The following MAGI2 variants were observed in gnomAD, a reference collection of about 807,000 sequenced individuals.
The protein encoded by MAGI2 is membrane-associated guanylate kinase, WW and PDZ domain-containing protein 2.
A neutral mutation model predicts 133.3 loss-of-function variants in MAGI2; 35 were observed. The ratio of observed to expected loss-of-function variants is 0.26; its 90% CI spans 0.20 to 0.35. MAGI2 has a LOEUF of 0.35. MAGI2 is among the 10% of genes least tolerant of loss of function. MAGI2 has a pLI of 1.00. For missense variants in MAGI2, 1,636 were observed against 1,863.4 expected (o/e 0.88, Z 2.25); for synonymous variants, 729 against 710.6 (o/e 1.03, Z -0.41).
Position 78,636,673 on chromosome 7 carries a change from C to T in MAGI2, c.419-9434G>A, listed in dbSNP as rs970036365. Among the ~76,000 whole-genome samples the T allele has an allele frequency of 6.6e-5, 10 of 152,120 alleles. No individual in the cohort carries two copies. In the East Asian group the frequency reaches 1.7e-3, roughly 26 times the overall value. On this transcript the variant is annotated intron_variant, in intron 2 of 21. Coordinates refer to ENST00000354212, the MANE Select transcript of MAGI2 (RefSeq NM_012301.4). ...ATTAGCTGGGCGTGGTGGCGGGCGC[C>T]TGTAGTCCCAGCTACTCGGGACGCT...
intron 6 of MAGI2, among the ~76,000 whole-genome samples, chr7:78,374,939 A>G (rs975601816): frequency 3.9e-5 from 6 of 151,968 alleles, no homozygotes; most frequent in Non-Finnish European, 7.4e-5. Context: ...TCCTGGGTTC[A>G]AGCAATTCTT....
At chr7:78,658,473 G>A (rs949992942) in intron 2 of MAGI2, among the ~76,000 whole-genome samples, 1 of 152,048 alleles carries the variant, frequency 6.6e-6, no homozygotes, top group African/African-American at 2.4e-5. Flanking sequence ...TTGATAAACT[G>A]GGCTTCATAT....
intron 1 of MAGI2, among the ~76,000 whole-genome samples, chr7:79,175,334 T>C (rs1826000142): frequency 6.6e-6 from 1 of 151,988 alleles, no homozygotes; most frequent in South Asian, 2.1e-4. Flanking sequence ...TGAGTACATA[T>C]TTCTTTTATA....
intron 20 of MAGI2, among the ~76,000 whole-genome samples, chr7:78,080,210 T>C (rs1815798356): frequency 6.6e-6 from 1 of 152,210 alleles, no homozygotes; most frequent in Non-Finnish European, 1.5e-5. Flanking sequence ...AGCAAGGAAA[T>C]GACATCTCTA....
At chr7:78,278,961 C>T (rs1352574370) in intron 9 of MAGI2, among the ~76,000 whole-genome samples, 1 of 152,144 alleles carries the variant, frequency 6.6e-6, no homozygotes, top group Admixed American at 6.6e-5. Flanking sequence ...TACAATGTAT[C>T]TATTCAAACT....
intron 9 of MAGI2, among the ~76,000 whole-genome samples, chr7:78,257,924 C>T (rs888148168): frequency 9.2e-5 from 14 of 152,108 alleles, no homozygotes; most frequent in Non-Finnish European, 1.9e-4. Flanking sequence ...AGCTTGCAAA[C>T]GTTAAAAATG....
chr7:78,531,732 C>T (rs1370854677), intron 3 of MAGI2, among the ~76,000 whole-genome samples: 3 of 152,166 alleles, frequency 2.0e-5, no homozygotes, highest in East Asian at 3.9e-4. Context: ...TCTCACACAA[C>T]ATTTATAGCT....
intron 10 of MAGI2, among the ~76,000 whole-genome samples, chr7:78,212,959 G>A (rs1787914868): frequency 6.6e-6 from 1 of 152,154 alleles, no homozygotes; most frequent in Admixed American, 6.5e-5. Context: ...TACAGCGTGA[G>A]CCACCACACC....
chr7:78,682,891 G>C (rs1324011707), intron 2 of MAGI2, among the ~76,000 whole-genome samples: 1 of 152,114 alleles, frequency 6.6e-6, no homozygotes, highest in Non-Finnish European at 1.5e-5. Flanking sequence ...AAACAATCCA[G>C]ATTTTCAAAA....
intron 2 of MAGI2, among the ~76,000 whole-genome samples, chr7:78,643,280 A>C (rs1810499184): frequency 6.6e-6 from 1 of 152,226 alleles, no homozygotes; most frequent in South Asian, 2.1e-4. Context: ...AAGGACTGAT[A>C]TCTTTGGAAT....
chr7:78,307,526 A>G (rs1300108966), intron 9 of MAGI2, among the ~76,000 whole-genome samples: 1 of 152,158 alleles, frequency 6.6e-6, no homozygotes, highest in African/African-American at 2.4e-5. Context: ...GTACCTAGAG[A>G]GCTTATACTA....
chr7:79,234,367 C>T (rs1400332583), intron 1 of MAGI2, among the ~76,000 whole-genome samples: 5 of 151,856 alleles, frequency 3.3e-5, no homozygotes, highest in African/African-American at 4.9e-5. Flanking sequence ...GGAAGTTCTC[C>T]TGGACAATAT....
chr7:78,447,292 G>T (rs1393970899), intron 6 of MAGI2, among the ~76,000 whole-genome samples: 3 of 151,604 alleles, frequency 2.0e-5, no homozygotes, highest in Admixed American at 6.6e-5. Context: ...CTGGCATTTG[G>T]CATATTCCTC....
intron 20 of MAGI2, among the ~76,000 whole-genome samples, chr7:78,079,802 G>C (rs1288299748): frequency 6.6e-6 from 1 of 152,148 alleles, no homozygotes. Context: ...AAATGCCTGG[G>C]TTCCATAAGC....
Position 79,437,516 on chromosome 7 carries a change from A to AG in MAGI2, c.301+15503_301+15504insC, listed in dbSNP as rs540164768. Among the ~76,000 whole-genome samples, 18 of 152,264 alleles carry AG rather than the reference A, an allele frequency of 1.2e-4. No individual in the cohort carries two copies. The East Asian group carries it at 3.1e-3, about 26-fold the overall frequency. On this transcript the variant is annotated intron_variant, in intron 1 of 21. Transcript: ENST00000354212. The stretch of plus-strand genomic sequence containing the variant: ...TATGTTCTCACTATTGCCATATAAA[A>AG]TAAGTGAATAATTTTATATGTCAAA...
chr7:78,777,031 A>T (rs1826040453), intron 2 of MAGI2, among the ~76,000 whole-genome samples: 1 of 152,080 alleles, frequency 6.6e-6, no homozygotes, highest in Non-Finnish European at 1.5e-5. Context: ...CCTCTTTTTG[A>T]CTGTTTAGGT....
chr7:78,168,538 G>T (rs183450399), intron 14 of MAGI2, among the ~76,000 whole-genome samples: 11 of 152,282 alleles, frequency 7.2e-5, no homozygotes, highest in Admixed American at 2.0e-4. Context: ...ATGCTAATTG[G>T]CTGAAACAAG....
At chr7:78,728,363 A>ATGATGAAT (rs1821021348) in intron 2 of MAGI2, among the ~76,000 whole-genome samples, 3 of 152,130 alleles carry the variant, frequency 2.0e-5, no homozygotes, top group Non-Finnish European at 4.4e-5. Context: ...ATCATATGCT[A>ATGATGAAT]TACCCGCATG....
intron 21 of MAGI2, among the ~76,000 whole-genome samples, chr7:78,038,080 A>G (rs1200314760): frequency 6.6e-6 from 1 of 152,112 alleles, no homozygotes; most frequent in Non-Finnish European, 1.5e-5. Flanking sequence ...CTTTTACAAC[A>G]TTTACTATAA....
Sources: gnomAD v4.1 joint callset for allele counts (sites outside exome capture counted in the v4.1 genomes callset) on GRCh38, gnomAD v4.1.1 for gene constraint, MANE v1.5 for transcripts, NCBI Gene and HGNC (gene_info 2026-07-23, HGNC 2026-07-21) for gene names.